EYS: variants seen among roughly 807,000 people sequenced by gnomAD.
EYS encodes protein eyes shut homolog.
Under a neutral mutation model 282.1 loss-of-function variants are expected in EYS, and 250 were observed. The observed-to-expected ratio is 0.89, with a 90% confidence interval of 0.80 to 0.98. EYS has a LOEUF of 0.98. EYS is among the 50% of genes least tolerant of loss of function. The pLI is 0.00. For missense variants in EYS, 4,016 were observed against 3,709.0 expected, an observed-to-expected ratio of 1.08 and a Z score of -2.15; for synonymous variants, 1,355 against 1,282.9, an observed-to-expected ratio of 1.06 and a Z score of -1.20.
Position 63,813,642 on chromosome 6 carries a change from A to C in EYS, c.7229-7270T>G, listed in dbSNP as rs147346081. On this transcript the variant is annotated intron_variant, in intron 36 of 42. Coordinates refer to ENST00000503581, the MANE Select transcript of EYS (RefSeq NM_001142800.2). The stretch of plus-strand genomic sequence containing the variant: ...ATTGCTGTTTTTAAACAGATACAAA[A>C]GACAAAAACCTGTGGGTGATTTTTT... 4.4e-3 allele frequency among the ~76,000 whole-genome samples: 674 copies of C among 152,332 alleles called. 6 individuals are homozygous for C. The highest frequency in any genetic ancestry group is 0.016 in the African/African-American group (647 of 41,570).
Position 65,075,384 on chromosome 6 carries a change from G to A in EYS, c.2024-17657C>T, listed in dbSNP as rs146646685. On this transcript the variant is annotated intron_variant, in intron 12 of 42. Transcript: ENST00000503581. ...AAGTATTAAATATTTTCTAAAGGAT[G>A]GAACTACTATATAAACATAAATTCA... Among the ~76,000 whole-genome samples the A allele has an allele frequency of 3.1e-3, 478 of 151,986 alleles. 2 individuals carry two copies. Among genetic ancestry groups the A allele is most frequent in the African/African-American group, 0.011 (453 of 41,498 alleles).
intron 12 of EYS, among the ~76,000 whole-genome samples, chr6:65,088,234 A>C (rs551580180): frequency 6.6e-6 from 1 of 152,266 alleles, no homozygotes; most frequent in East Asian, 1.9e-4. Flanking sequence ...CTATAAAGAT[A>C]CCCAGAAATG....
At chr6:65,249,067 GAA>G (rs530669573) in intron 12 of EYS, among the ~76,000 whole-genome samples, 2 of 122,044 alleles carry the variant, frequency 1.6e-5, no homozygotes, top group Admixed American at 8.5e-5. Flanking sequence ...ACTGACAAGT[GAA>G]AAAAAAAAAA....
At chr6:64,543,753 T>C (rs980273026) in intron 26 of EYS, among the ~76,000 whole-genome samples, 4 of 152,104 alleles carry the variant, frequency 2.6e-5, no homozygotes, top group Non-Finnish European at 5.9e-5. Context: ...GAGAAGAAAA[T>C]AATTTATCAG....
intron 26 of EYS, among the ~76,000 whole-genome samples, chr6:64,468,080 G>T (rs918319800): frequency 6.6e-6 from 1 of 152,070 alleles, no homozygotes; most frequent in Non-Finnish European, 1.5e-5. Context: ...GAACCAGCCT[G>T]CCCAGACCCA....
Position 64,026,269 on chromosome 6 carries a change from C to T in EYS, c.6726-27086G>A, listed in dbSNP as rs144021023. Among the ~76,000 whole-genome samples, 255 of 152,066 alleles carry T rather than the reference C, an allele frequency of 1.7e-3. 2 individuals are homozygous for T. The East Asian group carries it at 0.035, about 21-fold the overall frequency. ...GCTGTGTTGGTGAGTGCAACTATTC[C>T]GATCAGCAGGGTCCAGGGTCCGTTG... On this transcript the variant is annotated intron_variant, in intron 33 of 42. Coordinates refer to ENST00000503581, the MANE Select transcript of EYS (RefSeq NM_001142800.2).
At chr6:65,160,065 T>C (rs1014795966) in intron 12 of EYS, among the ~76,000 whole-genome samples, 1 of 151,034 alleles carries the variant, frequency 6.6e-6, no homozygotes, top group Non-Finnish European at 1.5e-5. Flanking sequence ...TGCCAAAATT[T>C]TTCTCATATT....
intron 29 of EYS, among the ~76,000 whole-genome samples, chr6:64,376,237 A>C (rs1772558228): frequency 6.6e-6 from 1 of 152,170 alleles, no homozygotes; most frequent in South Asian, 2.1e-4. Flanking sequence ...CTTAATTGTC[A>C]GGGAAACCTT....
chr6:64,098,603 CTTT>C (rs544031589), intron 31 of EYS, among the ~76,000 whole-genome samples: 7 of 139,946 alleles, frequency 5.0e-5, no homozygotes, highest in Admixed American at 7.1e-5. Context: ...TTCTTTCTTT[CTTT>C]TTTTTTTTTT....
intron 5 of EYS, among the ~76,000 whole-genome samples, chr6:65,406,351 G>A (rs951241088): frequency 1.3e-5 from 2 of 151,802 alleles, no homozygotes; most frequent in Admixed American, 6.6e-5. Flanking sequence ...TACGTGATTT[G>A]GCTTTCCATT....
chr6:65,508,078 T>C (rs55652207), intron 2 of EYS, among the ~76,000 whole-genome samples: 28,455 of 149,398 alleles, frequency 0.19, 2,958 homozygotes, highest in East Asian at 0.31. Context: ...TCTGTCAATG[T>C]GGTTGGGCTT....
chr6:65,321,687 T>A (rs1325009132), intron 11 of EYS, among the ~76,000 whole-genome samples: 1 of 152,192 alleles, frequency 6.6e-6, no homozygotes, highest in Admixed American at 6.5e-5. Flanking sequence ...CAGTCTAAAA[T>A]GAGGCTGAGC....
chr6:64,822,750 C>A lies in EYS; in HGVS notation c.3065G>T (p.Gly1022Val), dbSNP rs1366534762. ...GCAGTCACAGGTATAATGATTGATG[C>A]CATCGATACAAACTCCATCATGGAG... ...PCLHDGVCID[G>V]INHYTCDCKS... The change falls in exon 20 of 43, where the codon GGC becomes GTC. Residue 1022 changes from glycine (G) to valine (V), a missense_variant. Coordinates refer to ENST00000503581, the MANE Select transcript of EYS (RefSeq NM_001142800.2). The A allele has an allele frequency of 1.3e-6, 2 of 1,549,816 alleles. No homozygotes were observed. The highest frequency in any genetic ancestry group is 1.7e-6 in the Non-Finnish European group (2 of 1,145,942).
chr6:64,251,857 G>A (rs1767229372), intron 30 of EYS, among the ~76,000 whole-genome samples: 1 of 152,060 alleles, frequency 6.6e-6, no homozygotes, highest in Admixed American at 6.6e-5. Context: ...CCAAAAGGAA[G>A]AAATTAAGTC....
intron 31 of EYS, among the ~76,000 whole-genome samples, chr6:64,156,147 T>A (rs1302940782): frequency 6.6e-6 from 1 of 151,926 alleles, no homozygotes; most frequent in African/African-American, 2.4e-5. Flanking sequence ...TCCCATAATT[T>A]CCACATGTTG....
intron 22 of EYS, among the ~76,000 whole-genome samples, chr6:64,807,884 C>T (rs78004879): frequency 0.044 from 6,700 of 151,932 alleles, 170 homozygotes; most frequent in East Asian, 0.07. Context: ...ATGTATTTGT[C>T]CACAGTAATA....
chr6:65,344,023 A>G lies in EYS; in HGVS notation c.1599+15T>C, dbSNP rs1187724334. The stretch of plus-strand genomic sequence containing the variant: ...AAAGAGAAAAATGAAAAGCAACTAC[A>G]TAAAATTACCTTACCTCTTTTGTGC... On this transcript the variant is annotated intron_variant, in intron 10 of 42. Transcript: ENST00000503581. 6.2e-7 allele frequency: 1 copy of G among 1,606,352 alleles called. No homozygotes were observed. The highest frequency in any genetic ancestry group is 8.5e-7 in the Non-Finnish European group (1 of 1,174,536).
chr6:64,253,320 AAT>A (rs1267071805), intron 30 of EYS, among the ~76,000 whole-genome samples: 2 of 152,120 alleles, frequency 1.3e-5, no homozygotes, highest in African/African-American at 4.8e-5. Context: ...ACTCTTGAGA[AAT>A]ATTGTTGTAG....
chr6:64,720,654 CT>C (rs1311057757), intron 22 of EYS, among the ~76,000 whole-genome samples: 1 of 152,102 alleles, frequency 6.6e-6, no homozygotes, highest in Non-Finnish European at 1.5e-5. Flanking sequence ...AGACAATAGG[CT>C]GGAAGAAAGG....
Sources: gnomAD v4.1 joint callset for allele counts (sites outside exome capture counted in the v4.1 genomes callset) on GRCh38, gnomAD v4.1.1 for gene constraint, MANE v1.5 for transcripts, NCBI Gene and HGNC (gene_info 2026-07-23, HGNC 2026-07-21) for gene names.